TAFA5: variants seen among roughly 807,000 people sequenced by gnomAD.
The protein encoded by TAFA5 is TAFA chemokine like family member 5, also known as chemokine-like protein TAFA-5.
Under a neutral mutation model 15.3 loss-of-function variants are expected in TAFA5, and 6 were observed. That is an observed-to-expected ratio of 0.39 (90% confidence interval 0.21 to 0.77). TAFA5 has a LOEUF of 0.77. Ranked by LOEUF, TAFA5 falls within the 30% of genes least tolerant of loss-of-function variation. The pLI is 0.41. For missense variants in TAFA5, 161 were observed against 193.1 expected (o/e 0.83, Z 0.98); for synonymous variants, 103 against 80.7 (o/e 1.28, Z -1.48).
intron 1 of TAFA5, chr22:48,545,655 C>A (rs539390617): frequency 1.3e-5 from 2 of 152,666 alleles, no homozygotes; most frequent in Non-Finnish European, 2.9e-5. Context: ...CAGAAATCAT[C>A]CAGGAGCAGT....
chr22:48,669,216 C>G (rs996354762), intron 2 of TAFA5, among the ~76,000 whole-genome samples: 1 of 152,248 alleles, frequency 6.6e-6, no homozygotes, highest in Non-Finnish European at 1.5e-5. Context: ...TCTAAGCCCC[C>G]CAGCGTGTGG....
intron 3 of TAFA5, among the ~76,000 whole-genome samples, chr22:48,709,036 G>C (rs1216450594): frequency 6.6e-6 from 1 of 152,206 alleles, no homozygotes; most frequent in African/African-American, 2.4e-5. Context: ...GCTGCAGCCA[G>C]GATGTCAGTG....
chr22:48,632,742 C>T (rs542595924), intron 1 of TAFA5, among the ~76,000 whole-genome samples: 40 of 152,248 alleles, frequency 2.6e-4, no homozygotes, highest in African/African-American at 9.6e-4. Context: ...AGGCCCTGAC[C>T]CCTCCTGACG....
At chr22:48,658,521 G>A (rs946269504) in intron 2 of TAFA5, among the ~76,000 whole-genome samples, 2 of 152,224 alleles carry the variant, frequency 1.3e-5, no homozygotes, top group Non-Finnish European at 2.9e-5. Flanking sequence ...CAGTTGATGC[G>A]GCCGGCAGGT....
chr22:48,626,968 G>A (rs9628599), intron 1 of TAFA5, among the ~76,000 whole-genome samples: 2,606 of 152,262 alleles, frequency 0.017, 88 homozygotes, highest in African/African-American at 0.06. Context: ...TGGGATTGCC[G>A]GTCTTGTGGG....
intron 2 of TAFA5, 89 bp downstream of exon 2, chr22:48,646,835 G>A: frequency 6.9e-7 from 1 of 1,449,584 alleles, no homozygotes; most frequent in East Asian, 2.5e-5. Flanking sequence ...CTTACCTGAA[G>A]GTCCCCCTAG....
At position 48,566,561 on chromosome 22, in the gene TAFA5, T is replaced by C. The variant is rs565418818; in HGVS notation, c.112+76857T>C. Reference sequence around the variant, plus strand: ...GGGCCTATGAGGATGTTTGGCCTCTTTAGGGAGGTAGCAGGGGCTGCCCGG... The same window carrying C: ...GGGCCTATGAGGATGTTTGGCCTCTCTAGGGAGGTAGCAGGGGCTGCCCGG... On this transcript the variant is annotated intron_variant, in intron 1 of 3. Coordinates refer to ENST00000402357, the MANE Select transcript of TAFA5 (RefSeq NM_001082967.3). The surrounding 1 kb of genome is among the most constrained non-coding windows in gnomAD (Gnocchi z 4.5). Among the ~76,000 whole-genome samples, 1 of 152,232 alleles carries C rather than the reference T, an allele frequency of 6.6e-6. No homozygotes were observed. Among genetic ancestry groups the C allele is most frequent in the East Asian group, 1.9e-4 (1 of 5,174 alleles).
chr22:48,695,664 A>C (rs970670053), intron 2 of TAFA5, among the ~76,000 whole-genome samples: 2 of 152,030 alleles, frequency 1.3e-5, no homozygotes, highest in African/African-American at 4.8e-5. Context: ...GCTTCTCTTC[A>C]TGGGTTTCAT....
At chr22:48,699,882 G>T (rs1293411458) in intron 2 of TAFA5, among the ~76,000 whole-genome samples, 1 of 152,164 alleles carries the variant, frequency 6.6e-6, no homozygotes, top group African/African-American at 2.4e-5. Flanking sequence ...GTGTGGCCCT[G>T]GGTGCACCAC....
Position 48,750,135 on chromosome 22 carries a change from C to A in TAFA5, c.*288C>A. ...CGCGCCCAGCCCCCGCCGACCGTGG[C>A]GTTGGCCCTGCTGTCCTCAGAGGAG... On this transcript the variant is annotated 3_prime_UTR_variant, in exon 4 of 4. Coordinates refer to ENST00000402357, the MANE Select transcript of TAFA5 (RefSeq NM_001082967.3). 2.0e-6 allele frequency: 1 copy of A among 499,464 alleles called. No homozygotes were observed. Among genetic ancestry groups the A allele is most frequent in the Non-Finnish European group, 3.6e-6 (1 of 276,976 alleles). The allele number at this position is 499,464 out of a possible 1,614,324, so 30.9% of individuals were successfully genotyped here. A position where few individuals can be genotyped will look rare whatever the true frequency, so the allele number is the denominator to read the frequency against.
At chr22:48,658,988 T>C (rs981869360) in intron 2 of TAFA5, among the ~76,000 whole-genome samples, 1 of 152,218 alleles carries the variant, frequency 6.6e-6, no homozygotes, top group African/African-American at 2.4e-5. Flanking sequence ...CCCGTCATTG[T>C]CAGGAGCAGG....
chr22:48,628,593 C>T (rs1400837422), intron 1 of TAFA5, among the ~76,000 whole-genome samples: 2 of 152,208 alleles, frequency 1.3e-5, no homozygotes, highest in Non-Finnish European at 1.5e-5. Flanking sequence ...CCACCCCCTC[C>T]AGGAGAGGCG....
rs546288106 is a variant in TAFA5, at chr22:48,718,706, C to T, written c.390+10862C>T. Reference sequence around the variant, plus strand: ...CCCCGTGAGGTCAACCAGGAATTCACGCAGCCCTTTCGGATTCTGGAAGTT... The same window carrying T: ...CCCCGTGAGGTCAACCAGGAATTCATGCAGCCCTTTCGGATTCTGGAAGTT... On this transcript the variant is annotated intron_variant, in intron 3 of 3. Transcript: ENST00000402357. Among the ~76,000 whole-genome samples, 82 of 152,300 alleles carry T rather than the reference C, an allele frequency of 5.4e-4. 1 individual carries two copies. The South Asian group carries it at 6.4e-3, about 12-fold the overall frequency.
chr22:48,582,992 AAAT>A (rs1405699339), intron 1 of TAFA5, among the ~76,000 whole-genome samples: 1 of 136,354 alleles, frequency 7.3e-6, no homozygotes, highest in Non-Finnish European at 1.6e-5. Flanking sequence ...ACCACACACA[AAAT>A]AAACCACACA....
chr22:48,710,524 A>G (rs738693), intron 3 of TAFA5, among the ~76,000 whole-genome samples: 105,484 of 151,996 alleles, frequency 0.69, 36,796 homozygotes, highest in Non-Finnish European at 0.72. Flanking sequence ...AGCCTCCCGC[A>G]TCCGTCCAGG....
chr22:48,594,235 G>T (rs28451566), intron 1 of TAFA5, among the ~76,000 whole-genome samples: 26,837 of 152,178 alleles, frequency 0.18, 2,948 homozygotes, highest in Non-Finnish European at 0.24. Context: ...ACCCAGCGAG[G>T]CTCGAGGACT....
At chr22:48,531,482 G>T (rs966979693) in intron 1 of TAFA5, among the ~76,000 whole-genome samples, 1 of 152,220 alleles carries the variant, frequency 6.6e-6, no homozygotes, top group Non-Finnish European at 1.5e-5. Flanking sequence ...CAGACTTCGA[G>T]GTCCCTGAGG....
At chr22:48,714,381 C>G (rs567505348) in intron 3 of TAFA5, among the ~76,000 whole-genome samples, 234 of 152,314 alleles carry the variant, frequency 1.5e-3, no homozygotes, top group African/African-American at 5.3e-3. Context: ...GGCTCTGCCT[C>G]CATTCTGATG....
chr22:48,747,585 G>T (rs577969907), intron 3 of TAFA5, among the ~76,000 whole-genome samples: 10 of 152,044 alleles, frequency 6.6e-5, no homozygotes, highest in Non-Finnish European at 1.2e-4. Flanking sequence ...GGAACCTTTA[G>T]TATGGGCTCC....
Sources: allele counts gnomAD v4.1 joint callset (sites outside exome capture counted in the v4.1 genomes callset), GRCh38; gene constraint gnomAD v4.1.1; non-coding constraint Gnocchi (gnomAD v3.1); transcripts MANE v1.5; gene names NCBI Gene and HGNC (gene_info 2026-07-23, HGNC 2026-07-21).